The following MAP3K20 variants were observed in gnomAD, a reference collection of about 807,000 sequenced individuals.
The protein encoded by MAP3K20 is HCCS-4.
A neutral mutation model predicts 85.7 loss-of-function variants in MAP3K20; 40 were observed. The observed-to-expected ratio is 0.47, with a 90% CI of 0.36 to 0.61. MAP3K20 has a LOEUF of 0.61. MAP3K20 is among the 20% of genes least tolerant of loss of function. The pLI is 0.00. For synonymous variants in MAP3K20, 325 were observed against 327.7 expected (o/e 0.99, Z 0.09); for missense variants, 817 against 961.7 (o/e 0.85, Z 1.99).
At chr2:173,087,685 A>G (rs1030978703) in intron 1 of MAP3K20, among the ~76,000 whole-genome samples, 1 of 152,232 alleles carries the variant, frequency 6.6e-6, no homozygotes, top group Non-Finnish European at 1.5e-5. Context: ...CAGTAGCCAC[A>G]TTAGAAACTA....
chr2:173,138,973 A>G (rs1164878677), intron 2 of MAP3K20, among the ~76,000 whole-genome samples: 1 of 152,188 alleles, frequency 6.6e-6, no homozygotes, highest in Non-Finnish European at 1.5e-5. Flanking sequence ...GCTGTCTGGA[A>G]GTGGGTTCAA....
chr2:173,161,879 T>C (rs936598292), intron 2 of MAP3K20, among the ~76,000 whole-genome samples: 7 of 152,222 alleles, frequency 4.6e-5, no homozygotes, highest in Non-Finnish European at 8.8e-5. Context: ...TGAGTTTTTA[T>C]ATGCCTACCG....
At chr2:173,081,500 G>C (rs1050215001) in intron 1 of MAP3K20, among the ~76,000 whole-genome samples, 20 of 152,246 alleles carry the variant, frequency 1.3e-4, no homozygotes, top group Non-Finnish European at 2.4e-4. Context: ...ACTGCATGGG[G>C]TAGTGCAATT....
intron 2 of MAP3K20, among the ~76,000 whole-genome samples, chr2:173,159,408 T>C (rs1689581693): frequency 6.6e-6 from 1 of 151,098 alleles, no homozygotes; most frequent in South Asian, 2.1e-4. Context: ...CCTTCTTTTT[T>C]TTTTTTCCTG....
intron 5 of MAP3K20, 148 bp downstream of exon 5, chr2:173,187,771 A>G (rs1690532917): frequency 5.3e-6 from 3 of 566,412 alleles, no homozygotes; most frequent in Non-Finnish European, 8.8e-6. Flanking sequence ...CTGTCAATAA[A>G]TAACAAAAAT....
chr2:173,088,959 C>A (rs1687216846), intron 1 of MAP3K20, among the ~76,000 whole-genome samples: 1 of 152,050 alleles, frequency 6.6e-6, no homozygotes, highest in Non-Finnish European at 1.5e-5. Flanking sequence ...AACAAATAAC[C>A]CTTCCTCTTT....
chr2:173,128,759 A>G (rs1688519885), intron 2 of MAP3K20, among the ~76,000 whole-genome samples: 3 of 150,980 alleles, frequency 2.0e-5, no homozygotes, highest in Admixed American at 2.0e-4. Context: ...AAAGTGCAAA[A>G]TAATCACTTC....
intron 2 of MAP3K20, among the ~76,000 whole-genome samples, chr2:173,163,842 A>C (rs1689735244): frequency 6.6e-6 from 1 of 152,182 alleles, no homozygotes; most frequent in Non-Finnish European, 1.5e-5. Context: ...GTTCTGTTTT[A>C]AGTTCTTTGA....
intron 11 of MAP3K20, chr2:173,222,032 G>C (rs962409005): frequency 2.1e-6 from 2 of 972,228 alleles, no homozygotes; most frequent in Non-Finnish European, 2.4e-6. Flanking sequence ...GTAAGACCTC[G>C]TCTCTACTAA....
intron 2 of MAP3K20, among the ~76,000 whole-genome samples, chr2:173,120,382 C>T (rs1688247443): frequency 6.6e-6 from 1 of 151,892 alleles, no homozygotes; most frequent in South Asian, 2.1e-4. Context: ...CCCCATGAAC[C>T]CCCTGGGTTT....
intron 1 of MAP3K20, among the ~76,000 whole-genome samples, chr2:173,089,454 ATT>A (rs1687230913): frequency 6.6e-6 from 1 of 152,166 alleles, no homozygotes; most frequent in African/African-American, 2.4e-5. Context: ...AAATACCATT[ATT>A]TGCCATGGAT....
chr2:173,197,750 A>T (rs1690896679), intron 7 of MAP3K20: 1 of 171,552 alleles, frequency 5.8e-6, no homozygotes, highest in South Asian at 1.9e-4. Context: ...TTATGAGATG[A>T]CATTAAATCA....
chr2:173,128,940 T>TTTTTTTG (rs1688527487), intron 2 of MAP3K20, among the ~76,000 whole-genome samples: 1 of 149,278 alleles, frequency 6.7e-6, no homozygotes, highest in African/African-American at 2.5e-5. Flanking sequence ...TTTTTTTTTT[T>TTTTTTTG]GAGGCAGAGT....
chr2:173,265,278 A>T (rs1685393736), intron 19 of MAP3K20, among the ~76,000 whole-genome samples: 1 of 152,228 alleles, frequency 6.6e-6, no homozygotes, highest in Non-Finnish European at 1.5e-5. Context: ...AACATGGGTA[A>T]CGTTGTTCAG....
At chr2:173,091,212 A>C in intron 2 of MAP3K20, 22 bp downstream of exon 2, 1 of 1,604,412 alleles carries the variant, frequency 6.2e-7, no homozygotes, top group Non-Finnish European at 8.5e-7. Flanking sequence ...TCCAGCTGAC[A>C]GAAACAGTCA....
At chr2:173,081,189 A>ATT (rs55900314) in intron 1 of MAP3K20, among the ~76,000 whole-genome samples, 2,748 of 140,862 alleles carry the variant, frequency 0.02, 45 homozygotes, top group Middle Eastern at 0.026. Context: ...AAAAAGACAA[A>ATT]TTTTTTTTTT....
At chr2:173,084,061 A>G (rs1010547112) in intron 1 of MAP3K20, among the ~76,000 whole-genome samples, 2 of 152,170 alleles carry the variant, frequency 1.3e-5, no homozygotes, top group African/African-American at 4.8e-5. Flanking sequence ...CCTTTTTTCT[A>G]GTAAAGTTAA....
intron 10 of MAP3K20, among the ~76,000 whole-genome samples, chr2:173,215,366 G>T (rs916170144): frequency 2.0e-5 from 3 of 151,936 alleles, no homozygotes; most frequent in Non-Finnish European, 2.9e-5. Context: ...TTTACCCTAA[G>T]GTTTTTCACG....
chr2:173,166,910 GTTTTTTTTTTT>G (rs71018540), intron 2 of MAP3K20: 1 of 113,866 alleles, frequency 8.8e-6, no homozygotes, highest in African/African-American at 3.4e-5. Context: ...CAGTTTTTCT[GTTTTTTTTTTT>G]TTTTTTTTTG....
Sources: gnomAD v4.1 joint callset for allele counts (sites outside exome capture counted in the v4.1 genomes callset) on GRCh38, gnomAD v4.1.1 for gene constraint, MANE v1.5 for transcripts, NCBI Gene and HGNC (gene_info 2026-07-23, HGNC 2026-07-21) for gene names.